The following ZNF250 variants were observed in gnomAD, a reference collection of about 807,000 sequenced individuals.
ZNF250 encodes the protein zinc finger protein 250, also known as zinc finger protein (clone 647).
ZNF250 carries 13 observed loss-of-function variants against 37.1 expected under a neutral mutation model. The ratio of observed to expected loss-of-function variants is 0.35; its 90% CI spans 0.23 to 0.56. The LOEUF (loss-of-function observed/expected upper bound fraction) is 0.56. Among genes scored for constraint, ZNF250 ranks in the 20% least tolerant of loss-of-function variants. The pLI is 0.87. For synonymous variants in ZNF250, 251 were observed against 265.6 expected, an observed-to-expected ratio of 0.94 and a Z score of 0.54; for missense variants, 474 against 697.9, an observed-to-expected ratio of 0.68 and a Z score of 3.61.
intron 4 of ZNF250, among the ~76,000 whole-genome samples, chr8:144,889,352 C>T (rs1832142282): frequency 1.3e-5 from 2 of 152,250 alleles, no homozygotes; most frequent in African/African-American, 4.8e-5. Context: ...CTCTACATGG[C>T]TCTGCACATC....
chr8:144,879,831 C>T lies in ZNF250; in HGVS notation c.*1684G>A, dbSNP rs1435200571. On this transcript the variant is annotated 3_prime_UTR_variant, in exon 6 of 6. Coordinates refer to ENST00000417550, the MANE Select transcript of ZNF250 (RefSeq NM_001109689.4). ...CTGTAATCCCAGCACTTTGGGAGGC[C>T]GAGGCGGGCGGATCACCTGAGGTCA... The T allele has an allele frequency of 6.6e-6, 1 of 152,166 alleles. No individual in the cohort carries two copies. The highest frequency in any genetic ancestry group is 1.5e-5 in the Non-Finnish European group (1 of 68,064). The allele number at this position is 152,166 out of a possible 1,614,324, so 9.4% of individuals were successfully genotyped here. A position where few individuals can be genotyped will look rare whatever the true frequency, so the allele number is the denominator to read the frequency against.
intron 1 of ZNF250, among the ~76,000 whole-genome samples, chr8:144,896,203 A>T (rs1454719550): frequency 1.3e-5 from 2 of 151,832 alleles, no homozygotes; most frequent in East Asian, 3.9e-4. Context: ...CTATAAAAAA[A>T]TTTAAAAAAT....
intron 4 of ZNF250, among the ~76,000 whole-genome samples, chr8:144,888,676 G>A (rs1832086438): frequency 6.6e-6 from 1 of 150,882 alleles, no homozygotes; most frequent in South Asian, 2.1e-4. Flanking sequence ...TCATTTTCCA[G>A]GTTGACAATC....
chr8:144,896,376 A>AAAT (rs939010833), intron 1 of ZNF250, among the ~76,000 whole-genome samples: 1 of 128,920 alleles, frequency 7.8e-6, no homozygotes, highest in African/African-American at 3.0e-5. Context: ...ATAAAAATTA[A>AAAT]AAAAAAATAT....
At chr8:144,888,483 G>A (rs931009853) in intron 4 of ZNF250, among the ~76,000 whole-genome samples, 1 of 151,126 alleles carries the variant, frequency 6.6e-6, no homozygotes. Flanking sequence ...TGTAATCCCA[G>A]CTATTCGAGA....
chr8:144,899,196 G>C (rs539503739), intron 1 of ZNF250, among the ~76,000 whole-genome samples: 1 of 152,248 alleles, frequency 6.6e-6, no homozygotes, highest in East Asian at 1.9e-4. Context: ...TGGAGGTAGA[G>C]GGTAGAATGA....
rs1832778186 is a variant in ZNF250, at chr8:144,897,149, C to CA, written c.-55+4249dup. Among the ~76,000 whole-genome samples, 1 of 152,316 alleles carries CA rather than the reference C, an allele frequency of 6.6e-6. No individual in the cohort carries two copies. Among genetic ancestry groups the CA allele is most frequent in the South Asian group, 2.1e-4 (1 of 4,828 alleles). On this transcript the variant is annotated intron_variant, in intron 1 of 5. Coordinates refer to ENST00000417550, the MANE Select transcript of ZNF250 (RefSeq NM_001109689.4). The surrounding 1 kb of genome is among the most constrained non-coding windows in gnomAD (Gnocchi z 5.2). Reference sequence around the variant, plus strand: ...GCCTGTCATTCCAGAGGACCCTGCACATGGTCACACACTGGGACAGGCACA... The same window carrying CA: ...GCCTGTCATTCCAGAGGACCCTGCACAATGGTCACACACTGGGACAGGCACA...
chr8:144,888,111 T>C (rs1832026538), intron 4 of ZNF250, among the ~76,000 whole-genome samples: 2 of 152,228 alleles, frequency 1.3e-5, no homozygotes, highest in Admixed American at 1.3e-4. Flanking sequence ...CAGAGGTTCT[T>C]TGCCTTAAGC....
rs1024527654 is a variant in ZNF250, at chr8:144,897,493, G to A, written c.-55+3906C>T. On this transcript the variant is annotated intron_variant, in intron 1 of 5. Transcript: ENST00000417550. The surrounding 1 kb of genome is among the most constrained non-coding windows in gnomAD (Gnocchi z 5.2). Reference sequence around the variant, plus strand: ...TATCCAAATTGATAGCTTTCTGGTCGGGCACAGTGGCTCATGCCTGTAATC... The same window carrying A: ...TATCCAAATTGATAGCTTTCTGGTCAGGCACAGTGGCTCATGCCTGTAATC... Among the ~76,000 whole-genome samples the A allele has an allele frequency of 7.9e-5, 12 of 152,158 alleles. No individual in the cohort carries two copies. The highest frequency in any genetic ancestry group is 2.4e-4 in the African/African-American group (10 of 41,424).
chr8:144,896,719 G>A (rs1363035021), intron 1 of ZNF250, among the ~76,000 whole-genome samples: 1 of 152,166 alleles, frequency 6.6e-6, no homozygotes, highest in African/African-American at 2.4e-5. Flanking sequence ...GGCTAATGAC[G>A]AGTCCTCTAT....
At position 144,878,305 on chromosome 8, in the gene ZNF250, T is replaced by G. The variant is rs1416763165; in HGVS notation, c.*3210A>C. ...TTCTAAAGCATCACCCCTAGTGATC[T>G]CAACCTTTCTCTGAAGAATCACCTT... On this transcript the variant is annotated 3_prime_UTR_variant, in exon 6 of 6. Transcript: ENST00000417550. 1 of 152,236 alleles carries G rather than the reference T, an allele frequency of 6.6e-6. No individual in the cohort carries two copies. The highest frequency in any genetic ancestry group is 1.5e-5 in the Non-Finnish European group (1 of 68,052). 9.4% of individuals were successfully genotyped at this position (152,236 alleles called of 1,614,324 possible).
At chr8:144,898,032 C>A (rs1832835157) in intron 1 of ZNF250, among the ~76,000 whole-genome samples, 1 of 152,152 alleles carries the variant, frequency 6.6e-6, no homozygotes, top group East Asian at 1.9e-4. Flanking sequence ...TTGTTTATGG[C>A]CGGTTTTGGG....
rs745920494 is a variant in ZNF250 at position 144,889,985 on chromosome 8, C to T, written c.117G>A (p.Arg39=). ...DEWDRLCPAQ[R]GLYRNVMMET... is the part of the protein sequence containing the mutation. Reference sequence around the variant, plus strand: ...CCATCATCACATTTCTGTAGAGACCCCTCTGAGCAGGGCACAGGCGGTCCC... The same window carrying T: ...CCATCATCACATTTCTGTAGAGACCTCTCTGAGCAGGGCACAGGCGGTCCC... Residue 39 remains arginine, a synonymous_variant, in exon 3 of 6, where the codon AGG becomes AGA. Transcript: ENST00000417550. 1.2e-6 allele frequency: 2 copies of T among 1,613,478 alleles called. No individual in the cohort carries two copies. The highest frequency in any genetic ancestry group is 2.2e-5 in the East Asian group (1 of 44,862).
rs1396734928 is a variant in ZNF250, at chr8:144,891,617, C to T, written c.-54-1214G>A. On this transcript the variant is annotated intron_variant, in intron 1 of 5. Transcript: ENST00000417550. This position sits in a 1 kb window ranked among gnomAD's most constrained non-coding sequence, Gnocchi z 4.0. Reference sequence around the variant, plus strand: ...CTGTAATCCCAGCACTTTGGGAGGCCGAGGCAGGCGGATCACCCGAGGTTG... The same window carrying T: ...CTGTAATCCCAGCACTTTGGGAGGCTGAGGCAGGCGGATCACCCGAGGTTG... Among the ~76,000 whole-genome samples the T allele has an allele frequency of 2.6e-5, 4 of 151,732 alleles. No homozygotes were observed. The highest frequency in any genetic ancestry group is 5.9e-5 in the Non-Finnish European group (4 of 67,958).
chr8:144,889,998 C>A lies in ZNF250; in HGVS notation c.104G>T (p.Cys35Phe). The A allele has an allele frequency of 6.2e-7, 1 of 1,613,496 alleles. No homozygotes were observed. ...LLSQDEWDRL[C>F]PAQRGLYRNV... ...TCTGTAGAGACCCCTCTGAGCAGGG[C>A]ACAGGCGGTCCCATTCATCCTGGGA... Residue 35 changes from cysteine to phenylalanine, a missense_variant, in exon 3 of 6, where the codon TGC (cysteine) becomes TTC (phenylalanine). By Grantham distance (205) the Cys-to-Phe change is radical. This residue lies in a region of ZNF250 where 192 missense variants were observed against 227.5 expected (regional missense o/e 0.84). Coordinates refer to ENST00000417550, the MANE Select transcript of ZNF250 (RefSeq NM_001109689.4).
At position 144,897,300 on chromosome 8, in the gene ZNF250, A is replaced by C. The variant is rs1245885021; in HGVS notation, c.-55+4099T>G. On this transcript the variant is annotated intron_variant, in intron 1 of 5. Transcript: ENST00000417550. This position sits in a 1 kb window ranked among gnomAD's most constrained non-coding sequence, Gnocchi z 5.2. ...AAGCACTGCTCCCTCTTCATCACCA[A>C]GGAGCCCCTACCCGCTAGGGTGAAA... 6.6e-6 allele frequency among the ~76,000 whole-genome samples: 1 copy of C among 152,206 alleles called. No homozygotes were observed. Among genetic ancestry groups the C allele is most frequent in the African/African-American group, 2.4e-5 (1 of 41,464 alleles).
Position 144,880,458 on chromosome 8 carries a change from T to C in ZNF250, c.*1057A>G, listed in dbSNP as rs1831390789. 2.2e-6 allele frequency: 1 copy of C among 456,696 alleles called. No individual in the cohort carries two copies. The highest frequency in any genetic ancestry group is 4.4e-6 in the Non-Finnish European group (1 of 227,010). 28.3% of individuals were successfully genotyped at this position (456,696 alleles called of 1,614,324 possible). On this transcript the variant is annotated 3_prime_UTR_variant, in exon 6 of 6. Transcript: ENST00000417550. Reference sequence around the variant, plus strand: ...ATCTCACGGTTTCTGGGGCACAGGATCTGCAGGTCATAAGGGCAAGTTTTG... The same window carrying C: ...ATCTCACGGTTTCTGGGGCACAGGACCTGCAGGTCATAAGGGCAAGTTTTG...
intron 4 of ZNF250, among the ~76,000 whole-genome samples, chr8:144,887,334 C>T (rs990637100): frequency 6.9e-6 from 1 of 144,878 alleles, no homozygotes; most frequent in Admixed American, 6.9e-5. Context: ...GAGTTACAAA[C>T]AGCAGGGTCA....
upstream of ZNF250, chr8:144,902,008 G>T (rs1266097258): frequency 1.3e-5 from 2 of 152,382 alleles, no homozygotes; most frequent in Non-Finnish European, 2.9e-5. Flanking sequence ...TTGCAACACT[G>T]AAGTCCTCTT....
Sources: gnomAD v4.1 joint callset for allele counts (sites outside exome capture counted in the v4.1 genomes callset) on GRCh38, gnomAD v4.1.1 for gene constraint, gnomAD v4.1.1 regional missense constraint, Gnocchi (gnomAD v3.1) non-coding constraint, MANE v1.5 for transcripts, NCBI Gene and HGNC (gene_info 2026-07-23, HGNC 2026-07-21) for gene names.